Variants in MAP1S observed in about 807,000 individuals in gnomAD.
The protein encoded by MAP1S is microtubule associated protein 1S, also known as microtubule-associated protein 1S.
In MAP1S, 27 loss-of-function variants were observed where a neutral mutation model predicts 60.9. That is an observed-to-expected ratio of 0.44 (90% confidence interval 0.33 to 0.61). The LOEUF (loss-of-function observed/expected upper bound fraction) is 0.61, where lower values mean the gene tolerates loss of function less well. Among genes scored for constraint, MAP1S ranks in the 20% least tolerant of loss-of-function variants. MAP1S has a pLI of 0.03. For synonymous variants in MAP1S, 826 were observed against 694.2 expected, an observed-to-expected ratio of 1.19 and a Z score of -2.98; for missense variants, 1,608 against 1,486.6, an observed-to-expected ratio of 1.08 and a Z score of -1.34.
intron 5 of MAP1S, 60 bp from the exon 6 acceptor site, chr19:17,733,133 G>A: frequency 8.3e-7 from 1 of 1,210,754 alleles, no homozygotes. Flanking sequence ...CGAACTTGGA[G>A]CCTCGGCCCC....
At chr19:17,728,238 C>T (rs999362944) in intron 5 of MAP1S, 66 bp downstream of exon 5, 16 of 1,465,166 alleles carry the variant, frequency 1.1e-5, no homozygotes, top group Admixed American at 2.5e-5. Flanking sequence ...CATAGCTCGT[C>T]CCCCTGTTTT....
chr19:17,730,551 A>G (rs1165320734), intron 5 of MAP1S, among the ~76,000 whole-genome samples: 3 of 152,156 alleles, frequency 2.0e-5, no homozygotes, highest in Admixed American at 1.3e-4. Flanking sequence ...CCCAGCCTCA[A>G]GCGATTCTCT....
chr19:17,732,438 T>TTCACTTGCCCAGGGCTGG (rs2080501004), intron 5 of MAP1S, among the ~76,000 whole-genome samples: 1 of 152,194 alleles, frequency 6.6e-6, no homozygotes, highest in African/African-American at 2.4e-5. Flanking sequence ...TCATTGATCA[T>TTCACTTGCCCAGGGCTGG]TCACTTGCCC....
At position 17,727,139 on chromosome 19, in the gene MAP1S, C is replaced by A. The variant is rs995019992; in HGVS notation, c.1755C>A (p.Ser585Arg). ...PVANGPRSPP[S>R]LRCGEASPPS... ...CAAATGGACCCCGCAGCCCGCCCAG[C>A]CTCCGATGTGGAGAAGCCAGCCCCC... The change falls in exon 5 of 7, where the codon AGC (serine) becomes AGA (arginine). Residue 585 changes from serine (S) to arginine (R), a missense_variant. Transcript: ENST00000324096. This position sits in a 1 kb window ranked among gnomAD's most constrained non-coding sequence, Gnocchi z 4.1. 1 of 1,591,786 alleles carries A rather than the reference C, an allele frequency of 6.3e-7. No homozygotes were observed. The highest frequency in any genetic ancestry group is 1.1e-5 in the South Asian group (1 of 88,592).
At position 17,726,313 on chromosome 19, in the gene MAP1S, C is replaced by T. The variant is rs773649501; in HGVS notation, c.929C>T (p.Ala310Val). 1.9e-6 allele frequency: 3 copies of T among 1,605,104 alleles called. No individual in the cohort carries two copies. The highest frequency in any genetic ancestry group is 4.5e-5 in the East Asian group (2 of 44,762). The change falls in exon 5 of 7, where the codon GCG (alanine) becomes GTG (valine). Residue 310 changes from alanine to valine, a missense_variant. Physicochemically the swap from Ala to Val is moderately conservative, Grantham distance 64 (BLOSUM62 0). Transcript: ENST00000324096. ...AACAGCCTGCTGCGGCGCAAACTGG[C>T]GGAGCGCTCCGAGGTGGCTGCTGGT... ...GLNSLLRRKL[A>V]ERSEVAAGGG... is the part of the protein sequence containing the mutation.
At position 17,726,530 on chromosome 19, in the gene MAP1S, C is replaced by G; in HGVS notation, c.1146C>G (p.Thr382=). Reference sequence around the variant, plus strand: ...GCGGCCCCGTGCCAGCCAAACCCACCGTGCTCTTCGAGAAGATGGGCGTGG... The same window carrying G: ...GCGGCCCCGTGCCAGCCAAACCCACGGTGCTCTTCGAGAAGATGGGCGTGG... ...LSRGPVPAKP[T]VLFEKMGVGR... The change falls in exon 5 of 7, where the codon ACC becomes ACG. Residue 382 remains threonine, a synonymous_variant. Coordinates refer to ENST00000324096, the MANE Select transcript of MAP1S (RefSeq NM_018174.6). The G allele has an allele frequency of 6.4e-7, 1 of 1,566,418 alleles. No homozygotes were observed. Among genetic ancestry groups the G allele is most frequent in the Admixed American group, 1.8e-5 (1 of 54,184 alleles).
At chr19:17,723,615 C>T (rs2080390428) in intron 2 of MAP1S, among the ~76,000 whole-genome samples, 1 of 152,128 alleles carries the variant, frequency 6.6e-6, no homozygotes, top group Non-Finnish European at 1.5e-5. Context: ...CTTTGGGAGG[C>T]CGAGGCAGGC....
chr19:17,726,075 AC>A lies in MAP1S; in HGVS notation c.693del (p.Ser232ProfsTer59). The A allele has an allele frequency of 6.2e-7, 1 of 1,612,868 alleles. No individual in the cohort carries two copies. The highest frequency in any genetic ancestry group is 8.5e-7 in the Non-Finnish European group (1 of 1,179,664). On this transcript the variant is annotated frameshift_variant, in exon 5 of 7. Coordinates refer to ENST00000324096, the MANE Select transcript of MAP1S (RefSeq NM_018174.6). LOFTEE classifies it high-confidence loss of function. ...PSPFELLEPP[T>X]SGGFLRLGRP... ...CCCCTTCGAGCTGCTGGAGCCCCCG[AC>A]CTCCGGGGGCTTCCTCAGGCTGGGC...
chr19:17,730,993 C>T (rs1022177794), intron 5 of MAP1S, among the ~76,000 whole-genome samples: 11 of 151,188 alleles, frequency 7.3e-5, no homozygotes, highest in Non-Finnish European at 1.5e-4. Context: ...CGGGTTCAAG[C>T]GATTCTCCTG....
At chr19:17,720,635 T>C in intron 1 of MAP1S, 1 of 902,124 alleles carries the variant, frequency 1.1e-6, no homozygotes, top group Non-Finnish European at 1.6e-6. Context: ...GGGAAACAGC[T>C]GTTGCAAGGG....
At chr19:17,720,849 C>T (rs2145970492) in intron 1 of MAP1S, 87 bp from the exon 2 acceptor site, 1 of 1,043,912 alleles carries the variant, frequency 9.6e-7, no homozygotes, top group Admixed American at 1.7e-5. Context: ...CTGGGGCGCT[C>T]CCCACCCACG....
chr19:17,733,574 G>A, intron 6 of MAP1S, 146 bp downstream of exon 6: 3 of 657,584 alleles, frequency 4.6e-6, no homozygotes, highest in Non-Finnish European at 7.5e-6. Flanking sequence ...TCAGCCCTTA[G>A]GGGTCTCTTC....
intron 1 of MAP1S, chr19:17,720,466 G>A (rs551682374): frequency 5.2e-5 from 79 of 1,530,578 alleles, no homozygotes; most frequent in Non-Finnish European, 6.6e-5. Flanking sequence ...CGAGTGAGGA[G>A]ATGGAACAAG....
chr19:17,721,332 G>T (rs1203252545), intron 2 of MAP1S: 2 of 404,036 alleles, frequency 5.0e-6, no homozygotes, highest in East Asian at 1.2e-4. Context: ...GCTATGACTG[G>T]TGTGTCCAGT....
intron 5 of MAP1S, 148 bp downstream of exon 5, chr19:17,728,320 G>A: frequency 3.3e-6 from 3 of 906,144 alleles, no homozygotes; most frequent in Non-Finnish European, 4.8e-6. Context: ...TGTGGTCACA[G>A]CTCATTGCAG....
At chr19:17,734,172 A>T in intron 6 of MAP1S, 101 bp from the exon 7 acceptor site, 1 of 975,586 alleles carries the variant, frequency 1.0e-6, no homozygotes, top group Non-Finnish European at 1.5e-6. Context: ...GGGGTCTCAA[A>T]TGCCAGGAAA....
chr19:17,727,350 C>G lies in MAP1S; in HGVS notation c.1966C>G (p.Leu656Val). 1.3e-6 allele frequency: 2 copies of G among 1,587,014 alleles called. No homozygotes were observed. The highest frequency in any genetic ancestry group is 1.7e-6 in the Non-Finnish European group (2 of 1,170,330). Reference sequence around the variant, plus strand: ...CGCAGAGGGCAGCGAGCGGCTGTCGCTGAGCCCACTGCGGGGCGGGGAGGC... The same window carrying G: ...CGCAGAGGGCAGCGAGCGGCTGTCGGTGAGCCCACTGCGGGGCGGGGAGGC... Reference protein sequence around the residue: ...SPAEGSERLSLSPLRGGEAGP... With the variant: ...SPAEGSERLSVSPLRGGEAGP... The change falls in exon 5 of 7, where the codon CTG (leucine) becomes GTG (valine). Residue 656 changes from leucine to valine, a missense_variant. Physicochemically the swap from Leu to Val is conservative, Grantham distance 32. Around this residue, in one of 4 missense-constraint regions of MAP1S, gnomAD observed 1,167 missense variants for 961.4 expected, o/e 1.21. Coordinates refer to ENST00000324096, the MANE Select transcript of MAP1S (RefSeq NM_018174.6). This position sits in a 1 kb window ranked among gnomAD's most constrained non-coding sequence, Gnocchi z 4.1.
At chr19:17,732,226 A>G (rs979092979) in intron 5 of MAP1S, among the ~76,000 whole-genome samples, 3 of 152,054 alleles carry the variant, frequency 2.0e-5, no homozygotes, top group African/African-American at 7.2e-5. Context: ...AGCTACAGGT[A>G]TGTGCTGATT....
In MAP1S at chr19:17,725,303, T is replaced by TA; in HGVS notation, c.444+114_444+115insA. On this transcript the variant is annotated intron_variant, in intron 4 of 6. Coordinates refer to ENST00000324096, the MANE Select transcript of MAP1S (RefSeq NM_018174.6). This position sits in a 1 kb window ranked among gnomAD's most constrained non-coding sequence, Gnocchi z 4.2. ...TTTCCATGGCCTGGTCTCCCCATCC[T>TA]CTGTAGGATGGCAGTGGTGACACAT... 3.9e-6 allele frequency: 5 copies of TA among 1,277,886 alleles called. No individual in the cohort carries two copies. Among genetic ancestry groups the TA allele is most frequent in the Non-Finnish European group, 5.3e-6 (5 of 934,592 alleles). 79.2% of individuals were successfully genotyped at this position (1,277,886 alleles called of 1,614,324 possible).
Sources: allele counts gnomAD v4.1 joint callset (sites outside exome capture counted in the v4.1 genomes callset), GRCh38; gene constraint gnomAD v4.1.1; regional missense constraint gnomAD v4.1.1; non-coding constraint Gnocchi (gnomAD v3.1); transcripts MANE v1.5; gene names NCBI Gene and HGNC (gene_info 2026-07-23, HGNC 2026-07-21).